Variants in BAZ1B observed in about 807,000 individuals in gnomAD.
BAZ1B encodes the protein bromodomain adjacent to zinc finger domain 1B.
In BAZ1B, 22 loss-of-function variants were observed where a neutral mutation model predicts 153.8. The observed-to-expected ratio is 0.14, with a 90% CI of 0.10 to 0.20. The LOEUF (loss-of-function observed/expected upper bound fraction) is 0.20, where lower values mean the gene tolerates loss of function less well. Among genes scored for constraint, BAZ1B ranks in the 10% least tolerant of loss-of-function variants. BAZ1B has a pLI of 1.00. For synonymous variants in BAZ1B, 676 were observed against 633.4 expected (o/e 1.07, Z -1.01); for missense variants, 1,325 against 1,799.3 (o/e 0.74, Z 4.77).
chr7:73,458,692 T>C (rs1322092451), intron 13 of BAZ1B, among the ~76,000 whole-genome samples: 1 of 133,108 alleles, frequency 7.5e-6, no homozygotes, highest in Non-Finnish European at 1.6e-5. Context: ...AAAAAAAAAG[T>C]AAATTTGTAT....
At chr7:73,513,712 A>G (rs1261759071) in intron 1 of BAZ1B, among the ~76,000 whole-genome samples, 3 of 152,198 alleles carry the variant, frequency 2.0e-5, no homozygotes, top group Non-Finnish European at 4.4e-5. Flanking sequence ...AAAAAGCTTG[A>G]TAACATTCTA....
chr7:73,518,029 A>G (rs1449623926), intron 1 of BAZ1B, among the ~76,000 whole-genome samples: 1 of 152,140 alleles, frequency 6.6e-6, no homozygotes, highest in Non-Finnish European at 1.5e-5. Flanking sequence ...CTCTTACTCG[A>G]TTTTTTCTCT....
At chr7:73,465,855 AATCACAGGTG>A (rs1232654736) in intron 10 of BAZ1B, among the ~76,000 whole-genome samples, 1 of 152,242 alleles carries the variant, frequency 6.6e-6, no homozygotes, top group Non-Finnish European at 1.5e-5. Context: ...AAGGTCATTA[AATCACAGGTG>A]ATCACAGTTA....
Position 73,497,081 on chromosome 7 carries a change from AAAC to A in BAZ1B, c.571+1413_571+1415del, listed in dbSNP as rs1223421418. ...TGACCTCTACAAAAAAAAAAAAAAA[AAAC>A]CTACAAAAATTAGCTGGGTGTGGTG... On this transcript the variant is annotated intron_variant, in intron 4 of 19. Transcript: ENST00000339594. Among the ~76,000 whole-genome samples, 3 of 150,436 alleles carry A rather than the reference AAAC, an allele frequency of 2.0e-5. 1 individual carries two copies. Among genetic ancestry groups the A allele is most frequent in the African/African-American group, 7.4e-5 (3 of 40,302 alleles).
chr7:73,521,177 G>T (rs1465999008), intron 1 of BAZ1B, among the ~76,000 whole-genome samples: 1 of 152,034 alleles, frequency 6.6e-6, no homozygotes, highest in Non-Finnish European at 1.5e-5. Flanking sequence ...TCTGCCCAGG[G>T]AAGGCAGGCA....
chr7:73,459,774 G>A, intron 12 of BAZ1B, 56 bp from the exon 13 acceptor site: 4 of 1,450,500 alleles, frequency 2.8e-6, no homozygotes, highest in Non-Finnish European at 3.7e-6. Flanking sequence ...AAGACGAAAG[G>A]AATCCAACCT....
At position 73,492,319 on chromosome 7, in the gene BAZ1B, C is replaced by T. The variant is rs142414881; in HGVS notation, c.693+481G>A. Among the ~76,000 whole-genome samples the T allele has an allele frequency of 7.1e-3, 1,086 of 152,288 alleles. 7 individuals carry two copies. The highest frequency in any genetic ancestry group is 0.025 in the African/African-American group (1,028 of 41,558). On this transcript the variant is annotated intron_variant, in intron 5 of 19. Coordinates refer to ENST00000339594, the MANE Select transcript of BAZ1B (RefSeq NM_032408.4). Reference sequence around the variant, plus strand: ...CTGGGACTACATGCGCCCGCCACCACGCCCGGCTAATTTTTTGTATTTTTA... The same window carrying T: ...CTGGGACTACATGCGCCCGCCACCATGCCCGGCTAATTTTTTGTATTTTTA...
At chr7:73,483,403 C>A (rs2116358461) in intron 6 of BAZ1B, among the ~76,000 whole-genome samples, 1 of 152,342 alleles carries the variant, frequency 6.6e-6, no homozygotes. Context: ...TCACTGTTCT[C>A]ATTCACCCAG....
Position 73,477,907 on chromosome 7 carries a change from C to T in BAZ1B, c.1554G>A (p.Leu518=), listed in dbSNP as rs202145637. The change falls in exon 7 of 20, where the codon TTG becomes TTA. Residue 518 remains leucine, a synonymous_variant. Transcript: ENST00000339594. This position sits in a 1 kb window ranked among gnomAD's most constrained non-coding sequence, Gnocchi z 5.6. ...SEDRARLPEE[L]RSLVQKRYEL... ...CATAGCGTTTTTGAACAAGACTTCGCAATTCTTCTGGGAGACGAGCTCTAT... is the reference window on the plus strand; with the variant it reads ...CATAGCGTTTTTGAACAAGACTTCGTAATTCTTCTGGGAGACGAGCTCTAT... 337 of 1,614,176 alleles carry T rather than the reference C, an allele frequency of 2.1e-4. 2 individuals carry two copies. The South Asian group carries it at 2.4e-3, about 11-fold the overall frequency.
At chr7:73,460,758 C>T (rs1450705728) in intron 12 of BAZ1B, among the ~76,000 whole-genome samples, 1 of 152,176 alleles carries the variant, frequency 6.6e-6, no homozygotes, top group Non-Finnish European at 1.5e-5. Flanking sequence ...TTTTAAGCTT[C>T]ACATCTACCT....
At chr7:73,500,348 G>C (rs1554576962) in intron 3 of BAZ1B, among the ~76,000 whole-genome samples, 1 of 150,200 alleles carries the variant, frequency 6.7e-6, no homozygotes, top group African/African-American at 2.5e-5. Flanking sequence ...GACCAGCCTG[G>C]GTAACATGGT....
At position 73,513,818 on chromosome 7, in the gene BAZ1B, G is replaced by T. The variant is rs549863094; in HGVS notation, c.108-2966C>A. 1.4e-4 allele frequency among the ~76,000 whole-genome samples: 21 copies of T among 152,048 alleles called. No homozygotes were observed. The South Asian group carries it at 4.4e-3, about 32-fold the overall frequency. On this transcript the variant is annotated intron_variant, in intron 1 of 19. Coordinates refer to ENST00000339594, the MANE Select transcript of BAZ1B (RefSeq NM_032408.4). ...GGAGGACAAAGTGGGGGGATCTTGA[G>T]CCCAGGGGTTCAAAACCAGCCTGAA...
intron 1 of BAZ1B, 118 bp downstream of exon 1, chr7:73,521,709 G>C: frequency 1.3e-6 from 1 of 792,900 alleles, no homozygotes; most frequent in Non-Finnish European, 1.7e-6. Flanking sequence ...GCGAGCGGCC[G>C]GGGCGCGCTG....
intron 4 of BAZ1B, 47 bp from the exon 5 acceptor site, chr7:73,492,968 CT>C: frequency 6.5e-7 from 1 of 1,545,290 alleles, no homozygotes; most frequent in Non-Finnish European, 8.7e-7. Context: ...TATTTTAATC[CT>C]TTTCATTCAT....
chr7:73,512,200 CTTGTCCAACCT>C (rs1790613384), intron 1 of BAZ1B, among the ~76,000 whole-genome samples: 1 of 152,054 alleles, frequency 6.6e-6, no homozygotes, highest in South Asian at 2.1e-4. Flanking sequence ...GGTTTACAAG[CTTGTCCAACCT>C]TTGTCCAACC....
chr7:73,514,263 G>A (rs1166139182), intron 1 of BAZ1B, among the ~76,000 whole-genome samples: 1 of 152,190 alleles, frequency 6.6e-6, no homozygotes, highest in African/African-American at 2.4e-5. Flanking sequence ...AGGCACAGTG[G>A]CTCATGCCTA....
intron 6 of BAZ1B, among the ~76,000 whole-genome samples, chr7:73,488,869 T>G (rs1789524674): frequency 6.6e-6 from 1 of 152,152 alleles, no homozygotes; most frequent in African/African-American, 2.4e-5. Flanking sequence ...CAGTTTTCAT[T>G]CTTGGTAACT....
At chr7:73,459,483 C>A in intron 13 of BAZ1B, 53 bp downstream of exon 13, 1 of 1,565,844 alleles carries the variant, frequency 6.4e-7, no homozygotes, top group South Asian at 1.2e-5. Context: ...TATTTTAAAA[C>A]CAAATCAACT....
chr7:73,470,557 G>A, intron 7 of BAZ1B, 74 bp from the exon 8 acceptor site: 4 of 1,544,760 alleles, frequency 2.6e-6, no homozygotes, highest in Non-Finnish European at 3.5e-6. Flanking sequence ...ATAAAATATG[G>A]AGTAAAAAGT....
Sources: gnomAD v4.1 joint callset for allele counts (sites outside exome capture counted in the v4.1 genomes callset) on GRCh38, gnomAD v4.1.1 for gene constraint, Gnocchi (gnomAD v3.1) non-coding constraint, MANE v1.5 for transcripts, NCBI Gene and HGNC (gene_info 2026-07-23, HGNC 2026-07-21) for gene names.